Variants in SLC66A2 observed in about 807,000 individuals in gnomAD.
SLC66A2 encodes PQ loop repeat containing 1.
SLC66A2 carries 23 observed loss-of-function variants against 25.5 expected under a neutral mutation model. The ratio of observed to expected loss-of-function variants is 0.90; its 90% CI spans 0.65 to 1.28. The LOEUF (loss-of-function observed/expected upper bound fraction) is 1.28, where lower values mean the gene tolerates loss of function less well. SLC66A2 is among the 50% of genes most tolerant of loss of function. SLC66A2 has a pLI of 0.00. For missense variants in SLC66A2, 396 were observed against 373.1 expected (o/e 1.06, Z -0.51); for synonymous variants, 193 against 166.5 (o/e 1.16, Z -1.23).
intron 5 of SLC66A2, among the ~76,000 whole-genome samples, chr18:79,911,233 GAGGGGCCAGTGGGGGCC>G (rs1452247132): frequency 2.0e-5 from 3 of 152,262 alleles, no homozygotes; most frequent in Non-Finnish European, 4.4e-5. Context: ...GGTTAGCCCT[GAGGGGCCAGTGGGGGCC>G]TGGACATCTT....
At chr18:79,930,241 T>A (rs541967932) in intron 4 of SLC66A2, 6 of 151,808 alleles carry the variant, frequency 4.0e-5, no homozygotes, top group Non-Finnish European at 7.4e-5. Flanking sequence ...GAAACCCCAA[T>A]AAGATTAACA....
At chr18:79,916,699 C>T (rs770329572) in intron 5 of SLC66A2, among the ~76,000 whole-genome samples, 1 of 152,262 alleles carries the variant, frequency 6.6e-6, no homozygotes, top group Non-Finnish European at 1.5e-5. Flanking sequence ...CCCCACTCCA[C>T]GAGACCGAGC....
chr18:79,951,512 C>A (rs1376302069), intron 1 of SLC66A2, 69 bp downstream of exon 1: 1 of 152,256 alleles, frequency 6.6e-6, no homozygotes, highest in Admixed American at 6.6e-5. Context: ...GACCAACTGC[C>A]CCGGCCCTGC....
rs1256693562 is a variant in SLC66A2 at position 79,916,266 on chromosome 18, C to CTCCCGTACCCGTGGTGG, written c.608+2917_608+2918insCCACCACGGGTACGGGA. Among the ~76,000 whole-genome samples the CTCCCGTACCCGTGGTGG allele has an allele frequency of 5.0e-5, 6 of 120,412 alleles. 1 individual carries two copies. Among genetic ancestry groups the CTCCCGTACCCGTGGTGG allele is most frequent in the African/African-American group, 1.8e-4 (6 of 34,236 alleles). 79.0% of individuals were successfully genotyped at this position (120,412 alleles called of 152,430 possible). ...CCGTGGTGCTCTCATAGCCGCAGTG[C>CTCCCGTACCCGTGGTGG]TCCCGTACCCGTGGTGCTCCCGTAC... On this transcript the variant is annotated intron_variant, in intron 5 of 5. Transcript: ENST00000397778.
chr18:79,905,793 G>A (rs776090282), intron 5 of SLC66A2, among the ~76,000 whole-genome samples: 28 of 152,204 alleles, frequency 1.8e-4, no homozygotes, highest in East Asian at 3.8e-4. Context: ...CACAAAGCCC[G>A]TGGCTTTACT....
chr18:79,904,038 C>G lies in SLC66A2; in HGVS notation c.754G>C (p.Ala252Pro). The change falls in exon 6 of 6, where the codon GCC (alanine) becomes CCC (proline). Residue 252 changes from alanine (A) to proline (P), a missense_variant. By Grantham distance (27) the Ala-to-Pro change is conservative (BLOSUM62 -1). Transcript: ENST00000397778. This position sits in a 1 kb window ranked among gnomAD's most constrained non-coding sequence, Gnocchi z 6.3. ...LAILGQAYAFARHPQKPAPHA... is the reference protein window; with the variant it reads ...LAILGQAYAFPRHPQKPAPHA... ...GGCGCCGGCTTCTGGGGGTGGCGGG[C>G]GAAGGCGTAGGCCTGCCCCAGGATG... 2 of 1,605,294 alleles carry G rather than the reference C, an allele frequency of 1.2e-6. No homozygotes were observed. The highest frequency in any genetic ancestry group is 1.7e-6 in the Non-Finnish European group (2 of 1,176,766).
chr18:79,906,778 G>A (rs756089638), intron 5 of SLC66A2, among the ~76,000 whole-genome samples: 13 of 152,174 alleles, frequency 8.5e-5, no homozygotes, highest in Non-Finnish European at 1.3e-4. Context: ...GAGTCCCTAA[G>A]TGCAACTGGG....
At chr18:79,942,716 C>T (rs1987783399) in intron 3 of SLC66A2, among the ~76,000 whole-genome samples, 1 of 152,224 alleles carries the variant, frequency 6.6e-6, no homozygotes, top group African/African-American at 2.4e-5. Flanking sequence ...CTGGAACAAA[C>T]TGTGCAATAG....
intron 5 of SLC66A2, among the ~76,000 whole-genome samples, chr18:79,906,858 A>G (rs749146273): frequency 1.3e-5 from 2 of 152,014 alleles, no homozygotes; most frequent in Non-Finnish European, 2.9e-5. Flanking sequence ...ATGCATACAC[A>G]CTCAGAACTG....
At chr18:79,930,703 A>T (rs1425612884) in intron 4 of SLC66A2, among the ~76,000 whole-genome samples, 1 of 152,204 alleles carries the variant, frequency 6.6e-6, no homozygotes, top group Non-Finnish European at 1.5e-5. Context: ...TGGGATCAAA[A>T]CTGTATTAGA....
At chr18:79,905,431 C>T (rs1364634272) in intron 5 of SLC66A2, among the ~76,000 whole-genome samples, 1 of 142,804 alleles carries the variant, frequency 7.0e-6, no homozygotes, top group Non-Finnish European at 1.5e-5. Flanking sequence ...CTCTCACACA[C>T]CCCAGCAGTC....
chr18:79,917,511 C>T lies in SLC66A2; in HGVS notation c.608+1673G>A, dbSNP rs1009335205. 1.3e-5 allele frequency among the ~76,000 whole-genome samples: 2 copies of T among 152,170 alleles called. No individual in the cohort carries two copies. The highest frequency in any genetic ancestry group is 4.8e-5 in the African/African-American group (2 of 41,442). On this transcript the variant is annotated intron_variant, in intron 5 of 5. Transcript: ENST00000397778. The surrounding 1 kb of genome is among the most constrained non-coding windows in gnomAD (Gnocchi z 6.0). ...ATCTCCAGGTCGCAAGCTCGGCACG[C>T]GGGCACTGCCCACAGGATCTCCAGC...
chr18:79,905,310 T>C (rs544032584), intron 5 of SLC66A2, among the ~76,000 whole-genome samples: 58 of 152,360 alleles, frequency 3.8e-4, no homozygotes, highest in African/African-American at 1.3e-3. Context: ...CTCTGGGATG[T>C]GTCCTCCCCT....
chr18:79,938,444 G>A (rs1232285078), intron 3 of SLC66A2, among the ~76,000 whole-genome samples: 1 of 152,180 alleles, frequency 6.6e-6, no homozygotes, highest in African/African-American at 2.4e-5. Flanking sequence ...TCGGGGCCCT[G>A]TGGGACATCT....
In SLC66A2 at chr18:79,904,778, C is replaced by T. The variant is rs1400473793; in HGVS notation, c.609-595G>A. Reference sequence around the variant, plus strand: ...CCGCCACCCACCATCCCAGTCCGAACACGCTTCCCCCACCGCTGTGTTCAT... The same window carrying T: ...CCGCCACCCACCATCCCAGTCCGAATACGCTTCCCCCACCGCTGTGTTCAT... On this transcript the variant is annotated intron_variant, in intron 5 of 5. Coordinates refer to ENST00000397778, the MANE Select transcript of SLC66A2 (RefSeq NM_025078.5). The surrounding 1 kb of genome is among the most constrained non-coding windows in gnomAD (Gnocchi z 6.3). Among the ~76,000 whole-genome samples the T allele has an allele frequency of 6.6e-5, 10 of 152,230 alleles. No homozygotes were observed. The highest frequency in any genetic ancestry group is 3.9e-4 in the Admixed American group (6 of 15,294).
chr18:79,919,201 C>T lies in SLC66A2; in HGVS notation c.591G>A (p.Gln197=). 6.2e-7 allele frequency: 1 copy of T among 1,613,136 alleles called. No individual in the cohort carries two copies. Among genetic ancestry groups the T allele is most frequent in the Non-Finnish European group, 8.5e-7 (1 of 1,180,002 alleles). Residue 197 remains glutamine (Q), a synonymous_variant, in exon 5 of 6, where the codon CAG becomes CAA. Transcript: ENST00000397778. The part of the protein sequence containing the change: ...VPQLYRNHRH[Q]STEGMSIKMV... ...CGGCCTACCTCATGCCCTCCGTGGA[C>T]TGGTGGCGGTGGTTGCGGTAAAGCT...
In SLC66A2 at chr18:79,943,383, A is replaced by C; in HGVS notation, c.283T>G (p.Cys95Gly). ...ILTMLLMLKL[C>G]TEVRVANELN... ...TCGTTGGCCACACGGACCTCGGTGC[A>C]CAGCTTCAGCATCAGCAGCATGGTC... The change falls in exon 3 of 6, where the codon TGC (cysteine) becomes GGC (glycine). Residue 95 changes from cysteine (C) to glycine (G), a missense_variant. Cys to Gly is a radical substitution (Grantham distance 159, BLOSUM62 -3). Transcript: ENST00000397778. 6.2e-7 allele frequency: 1 copy of C among 1,614,216 alleles called. No homozygotes were observed. Among genetic ancestry groups the C allele is most frequent in the South Asian group, 1.1e-5 (1 of 91,088 alleles).
rs564067570 is a variant in SLC66A2 at position 79,942,121 on chromosome 18, G to A, written c.337+1208C>T. Among the ~76,000 whole-genome samples, 30 of 152,356 alleles carry A rather than the reference G, an allele frequency of 2.0e-4. No individual in the cohort carries two copies. The South Asian group carries it at 3.1e-3, about 16-fold the overall frequency. Reference sequence around the variant, plus strand: ...AATGTAAAACCGCAGCTCCTCATGCGGGGAATCCGGCTGGTTCTTAAAAGC... The same window carrying A: ...AATGTAAAACCGCAGCTCCTCATGCAGGGAATCCGGCTGGTTCTTAAAAGC... On this transcript the variant is annotated intron_variant, in intron 3 of 5. Transcript: ENST00000397778.
intron 5 of SLC66A2, among the ~76,000 whole-genome samples, chr18:79,907,412 C>T (rs147622890): frequency 0.031 from 4,152 of 132,522 alleles, 101 homozygotes; most frequent in Non-Finnish European, 0.044. Flanking sequence ...AGTGCAGTGG[C>T]GCGATCTCAG....
Sources: allele counts gnomAD v4.1 joint callset (sites outside exome capture counted in the v4.1 genomes callset), GRCh38; gene constraint gnomAD v4.1.1; non-coding constraint Gnocchi (gnomAD v3.1); transcripts MANE v1.5; gene names NCBI Gene and HGNC (gene_info 2026-07-23, HGNC 2026-07-21).